The following PCDHGA8 variants were observed in gnomAD, a reference collection of about 807,000 sequenced individuals.
The protein encoded by PCDHGA8 is protocadherin gamma subfamily A, 8.
A neutral mutation model predicts 59.2 loss-of-function variants in PCDHGA8; 45 were observed. That is an observed-to-expected ratio of 0.76 (90% CI 0.60 to 0.98). The LOEUF (loss-of-function observed/expected upper bound fraction) is 0.98. PCDHGA8 is among the 50% of genes least tolerant of loss of function. The probability of loss-of-function intolerance (pLI) is 0.00; values close to 1 mark genes in which losing one functional copy is unlikely to be tolerated. For synonymous variants in PCDHGA8, 531 were observed against 519.0 expected (o/e 1.02, Z -0.32); for missense variants, 1,257 against 1,196.2 (o/e 1.05, Z -0.75).
chr5:141,509,819 C>T (rs1008625658), intron 3 of PCDHGA8, among the ~76,000 whole-genome samples: 3 of 152,154 alleles, frequency 2.0e-5, no homozygotes, highest in African/African-American at 7.2e-5. Context: ...AGCTCTTCTC[C>T]ATCTTCTCTC....
rs199952854 is a variant in PCDHGA8 at position 141,477,297 on chromosome 5, G to T, written c.2425-17510G>T. 4 of 1,614,176 alleles carry T rather than the reference G, an allele frequency of 2.5e-6. No individual in the cohort carries two copies. Among genetic ancestry groups the T allele is most frequent in the Non-Finnish European group, 3.4e-6 (4 of 1,180,040 alleles). On this transcript the variant is annotated intron_variant, in intron 1 of 3. Coordinates refer to ENST00000398604, the MANE Select transcript of PCDHGA8 (RefSeq NM_032088.2). The surrounding 1 kb of genome is among the most constrained non-coding windows in gnomAD (Gnocchi z 4.9). ...CTGGTGACCTGCGAAGTTCCACCGGGTCTCCCTTTCAGCCTTACTTCTTCC... is the reference window on the plus strand; with the variant it reads ...CTGGTGACCTGCGAAGTTCCACCGGTTCTCCCTTTCAGCCTTACTTCTTCC...
rs759045688 is a variant in PCDHGA8 at position 141,395,208 on chromosome 5, G to C, written c.2395G>C (p.Glu799Gln). 5.6e-6 allele frequency: 9 copies of C among 1,613,352 alleles called. No individual in the cohort carries two copies. In the Admixed American group the frequency reaches 1.5e-4, roughly 27 times the overall value. ...DSLLTSVDFH[E>Q]YKNEADHGQQ... is the part of the protein sequence containing the mutation. ...TTTGTTAACATCCGTAGATTTTCAT[G>C]AATATAAGAATGAAGCTGATCATGG... Residue 799 changes from glutamate to glutamine, a missense_variant, in exon 1 of 4, where the codon GAA becomes CAA. Coordinates refer to ENST00000398604, the MANE Select transcript of PCDHGA8 (RefSeq NM_032088.2).
At chr5:141,404,914 C>G (rs1423848318) in intron 1 of PCDHGA8, 1 of 1,613,830 alleles carries the variant, frequency 6.2e-7, no homozygotes, top group Non-Finnish European at 8.5e-7. Flanking sequence ...AGCCCCCTCT[C>G]TCGGCCACTG....
intron 1 of PCDHGA8, chr5:141,421,951 A>G: frequency 6.2e-7 from 1 of 1,612,854 alleles, no homozygotes; most frequent in Non-Finnish European, 8.5e-7. Flanking sequence ...TCACATCCCA[A>G]TGTTTACACA....
At position 141,512,523 on chromosome 5, in the gene PCDHGA8, T is replaced by A. The variant is rs1222752176; in HGVS notation, c.*1350T>A. 6.5e-6 allele frequency: 1 copy of A among 152,848 alleles called. No homozygotes were observed. The highest frequency in any genetic ancestry group is 1.5e-5 in the Non-Finnish European group (1 of 68,240). 9.5% of individuals were successfully genotyped at this position (152,848 alleles called of 1,614,324 possible). A position where few individuals can be genotyped will look rare whatever the true frequency, so the allele number is the denominator to read the frequency against. The stretch of plus-strand genomic sequence containing the variant: ...AGTGCGCCCCCTAGTGGCCATAGCC[T>A]GGTTAAAGTTCCCCAGTGCCTCCTT... On this transcript the variant is annotated 3_prime_UTR_variant, in exon 4 of 4. Transcript: ENST00000398604.
intron 1 of PCDHGA8, among the ~76,000 whole-genome samples, chr5:141,455,732 A>G (rs1056074268): frequency 6.6e-6 from 1 of 152,190 alleles, no homozygotes; most frequent in Non-Finnish European, 1.5e-5. Context: ...CTGCATTTGC[A>G]TATCAAAGGT....
intron 1 of PCDHGA8, chr5:141,421,220 A>T (rs1178268746): frequency 6.3e-7 from 1 of 1,575,620 alleles, no homozygotes; most frequent in East Asian, 2.3e-5. Context: ...ATCGGCTTAG[A>T]GCCTGCCATG....
At chr5:141,461,614 T>G (rs954890718) in intron 1 of PCDHGA8, among the ~76,000 whole-genome samples, 11 of 152,208 alleles carry the variant, frequency 7.2e-5, no homozygotes, top group Non-Finnish European at 1.2e-4. Flanking sequence ...TTCAAAGTAT[T>G]TTCTAATACA....
intron 3 of PCDHGA8, among the ~76,000 whole-genome samples, chr5:141,510,117 T>C (rs1205620535): frequency 6.6e-6 from 1 of 151,908 alleles, no homozygotes; most frequent in East Asian, 1.9e-4. Context: ...TGTTTTGAAA[T>C]ACAAAAATTA....
chr5:141,404,585 A>G (rs541341061), intron 1 of PCDHGA8: 2 of 1,614,006 alleles, frequency 1.2e-6, no homozygotes, highest in East Asian at 2.2e-5. Context: ...ACTTAGCAGC[A>G]ATGTGTCATT....
chr5:141,506,870 G>A (rs2099856877), intron 3 of PCDHGA8, among the ~76,000 whole-genome samples: 1 of 152,166 alleles, frequency 6.6e-6, no homozygotes, highest in East Asian at 1.9e-4. Flanking sequence ...GGTGGGTAGA[G>A]AACCAGGTGA....
chr5:141,394,997 C>T lies in PCDHGA8; in HGVS notation c.2184C>T (p.Ser728=), dbSNP rs771459458. Residue 728 remains serine (S), a synonymous_variant, in exon 1 of 4, where the codon TCC becomes TCT. Coordinates refer to ENST00000398604, the MANE Select transcript of PCDHGA8 (RefSeq NM_032088.2). ...ACAAGTCACGCCTGCTCCAGGATTC[C>T]GGTGGCAGATTGGTAGGCGTGCCTG... ...RWHKSRLLQD[S]GGRLVGVPAS... is the part of the protein sequence containing the mutation. 3.4e-5 allele frequency: 55 copies of T among 1,613,898 alleles called. No individual in the cohort carries two copies. In the East Asian group the frequency reaches 1.1e-3, roughly 32 times the overall value.
At chr5:141,430,373 A>G (rs1456234962) in intron 1 of PCDHGA8, among the ~76,000 whole-genome samples, 1 of 151,170 alleles carries the variant, frequency 6.6e-6, no homozygotes, top group Non-Finnish European at 1.5e-5. Flanking sequence ...GGGAAAAAAA[A>G]GCTCATTGGG....
chr5:141,408,338 G>C, intron 1 of PCDHGA8: 1 of 1,613,958 alleles, frequency 6.2e-7, no homozygotes, highest in Non-Finnish European at 8.5e-7. Context: ...CAAGGGCTCG[G>C]TGGTGGGGAA....
At chr5:141,408,967 G>GC in intron 1 of PCDHGA8, 2 of 1,613,782 alleles carry the variant, frequency 1.2e-6, no homozygotes, top group Non-Finnish European at 1.7e-6. Context: ...GTGAAAATCT[G>GC]CCCCCTGGGT....
In PCDHGA8 at chr5:141,511,125, A is replaced by T. The variant is rs755685600; in HGVS notation, c.2751A>T (p.Ala917=). Residue 917 remains alanine, a synonymous_variant, in exon 4 of 4, where the codon GCA becomes GCT. Transcript: ENST00000398604. ...GCAAGCGGGATGGCAAGGCCCCAGCAGGTGGCAATGGCAACAAGAAGAAGT... is the reference window on the plus strand; with the variant it reads ...GCAAGCGGGATGGCAAGGCCCCAGCTGGTGGCAATGGCAACAAGAAGAAGT... ...AAGKRDGKAP[A]GGNGNKKKSG... 2 of 1,614,216 alleles carry T rather than the reference A, an allele frequency of 1.2e-6. No individual in the cohort carries two copies. The highest frequency in any genetic ancestry group is 2.2e-5 in the South Asian group (2 of 91,092).
chr5:141,415,056 G>T, intron 1 of PCDHGA8: 1 of 1,613,416 alleles, frequency 6.2e-7, no homozygotes. Context: ...GGGAGCACAC[G>T]GGCGAGGTGC....
At chr5:141,501,516 C>T (rs763346187) in intron 2 of PCDHGA8, among the ~76,000 whole-genome samples, 1 of 152,010 alleles carries the variant, frequency 6.6e-6, no homozygotes, top group African/African-American at 2.4e-5. Context: ...GGCCTCCAAG[C>T]TGAAGCCCAG....
At chr5:141,446,985 C>T (rs1411339328) in intron 1 of PCDHGA8, among the ~76,000 whole-genome samples, 1 of 152,064 alleles carries the variant, frequency 6.6e-6, no homozygotes, top group Non-Finnish European at 1.5e-5. Context: ...AATTCATACT[C>T]CACTCTTCAG....
Sources: gnomAD v4.1 joint callset for allele counts (sites outside exome capture counted in the v4.1 genomes callset) on GRCh38, gnomAD v4.1.1 for gene constraint, Gnocchi (gnomAD v3.1) non-coding constraint, MANE v1.5 for transcripts, NCBI Gene and HGNC (gene_info 2026-07-23, HGNC 2026-07-21) for gene names.